Variants in ABCA12 observed in about 807,000 individuals in gnomAD.
ABCA12 encodes ATP binding cassette subfamily A member 12.
Under a neutral mutation model 293.5 loss-of-function variants are expected in ABCA12, and 156 were observed. The observed-to-expected ratio is 0.53, with a 90% CI of 0.47 to 0.61. The LOEUF is 0.61. ABCA12 is among the 20% of genes least tolerant of loss of function. The pLI is 0.00. For synonymous variants in ABCA12, 1,063 were observed against 1,108.0 expected (o/e 0.96, Z 0.81); for missense variants, 2,797 against 3,090.2 (o/e 0.91, Z 2.25).
At chr2:215,138,040 CT>C in intron 1 of ABCA12, 99 bp downstream of exon 1, 8 of 1,236,984 alleles carry the variant, frequency 6.5e-6, no homozygotes, top group Non-Finnish European at 9.6e-6. Flanking sequence ...TGGAAAATGC[CT>C]TTAAACTCTT....
chr2:215,117,333 T>A lies in ABCA12; in HGVS notation c.70-5643A>T, dbSNP rs576793682. Among the ~76,000 whole-genome samples the A allele has an allele frequency of 9.2e-5, 14 of 152,318 alleles. No individual in the cohort carries two copies. In the South Asian group the frequency reaches 2.7e-3, roughly 29 times the overall value. On this transcript the variant is annotated intron_variant, in intron 1 of 52. Coordinates refer to ENST00000272895, the MANE Select transcript of ABCA12 (RefSeq NM_173076.3). ...GTGTTGAGGTTTGGAGAATTAATGATAATGCCAGGGCACATTTCAGTGACC... is the reference window on the plus strand; with the variant it reads ...GTGTTGAGGTTTGGAGAATTAATGAAAATGCCAGGGCACATTTCAGTGACC...
At chr2:214,963,022 G>A (rs1327067249) in intron 39 of ABCA12, 1 of 151,944 alleles carries the variant, frequency 6.6e-6, no homozygotes, top group Non-Finnish European at 1.5e-5. Context: ...AGAGAACCAA[G>A]AGCAAATAAA....
At chr2:215,088,547 G>A (rs1028176491) in intron 2 of ABCA12, among the ~76,000 whole-genome samples, 7 of 152,180 alleles carry the variant, frequency 4.6e-5, no homozygotes, top group Non-Finnish European at 2.9e-5. Flanking sequence ...TTGCAATTGG[G>A]TTAGTCTAGT....
chr2:215,014,132 G>C (rs1234261562), intron 15 of ABCA12, among the ~76,000 whole-genome samples: 2 of 151,806 alleles, frequency 1.3e-5, no homozygotes, highest in African/African-American at 2.4e-5. Context: ...AGTGAGCCGA[G>C]ATGGCACAAC....
At chr2:215,113,701 GAAA>G (rs1271818438) in intron 1 of ABCA12, among the ~76,000 whole-genome samples, 1 of 151,836 alleles carries the variant, frequency 6.6e-6, no homozygotes, top group Admixed American at 6.6e-5. Context: ...TTGAATGGGA[GAAA>G]AAAAGATTAT....
chr2:215,064,386 T>C (rs1274978112), intron 2 of ABCA12, among the ~76,000 whole-genome samples, 167 bp from the exon 3 acceptor site: 1 of 151,890 alleles, frequency 6.6e-6, no homozygotes, highest in African/African-American at 2.4e-5. Flanking sequence ...GTAGGAGCAG[T>C]CTTGGAGGGT....
At position 215,045,953 on chromosome 2, in the gene ABCA12, G is replaced by C; in HGVS notation, c.756C>G (p.Phe252Leu). The change falls in exon 7 of 53, where the codon TTC (phenylalanine) becomes TTG (leucine). Residue 252 changes from phenylalanine to leucine, a missense_variant. By Grantham distance (22) the Phe-to-Leu change is conservative. Transcript: ENST00000272895. ...CTTTCTGCTCTTGCACTTGTGAGAAGAAAGACAGCATTCTGACTATTTCCT... is the reference window on the plus strand; with the variant it reads ...CTTTCTGCTCTTGCACTTGTGAGAACAAAGACAGCATTCTGACTATTTCCT... ...VFQEIVRMLS[F>L]FSQVQEQKAV... 1 of 1,613,688 alleles carries C rather than the reference G, an allele frequency of 6.2e-7. No individual in the cohort carries two copies. The highest frequency in any genetic ancestry group is 8.5e-7 in the Non-Finnish European group (1 of 1,179,794).
chr2:214,951,795 CTCT>C (rs1056443454), intron 44 of ABCA12, among the ~76,000 whole-genome samples: 4 of 152,052 alleles, frequency 2.6e-5, no homozygotes, highest in African/African-American at 9.7e-5. Context: ...TAAAAAGCCT[CTCT>C]TCTTTTTAAT....
Position 214,992,158 on chromosome 2 carries a change from GA to G in ABCA12, c.3295-1128del, listed in dbSNP as rs767813372. ...CTAATTTTAACAATTCATGATTAAT[GA>G]GGGCCGATCACGGTGGCTCACGCCT... On this transcript the variant is annotated intron_variant, in intron 23 of 52. Coordinates refer to ENST00000272895, the MANE Select transcript of ABCA12 (RefSeq NM_173076.3). Among the ~76,000 whole-genome samples, 78 of 152,128 alleles carry G rather than the reference GA, an allele frequency of 5.1e-4. 2 individuals are homozygous for G. Among genetic ancestry groups the G allele is most frequent in the Middle Eastern group, 3.4e-3 (1 of 294 alleles).
intron 51 of ABCA12, among the ~76,000 whole-genome samples, chr2:214,934,790 T>C (rs1263262691): frequency 6.6e-6 from 1 of 152,182 alleles, no homozygotes; most frequent in East Asian, 1.9e-4. Flanking sequence ...GGAGTATCTT[T>C]AACAATTTGC....
intron 2 of ABCA12, among the ~76,000 whole-genome samples, chr2:215,088,645 G>A (rs2106103538): frequency 6.6e-6 from 1 of 152,284 alleles, no homozygotes; most frequent in African/African-American, 2.4e-5. Context: ...TGGAAACAAA[G>A]CTGTCAGAGG....
In ABCA12 at chr2:214,987,940, A is replaced by G. The variant is rs541489420; in HGVS notation, c.3830-147T>C. The G allele has an allele frequency of 6.7e-6, 7 of 1,043,152 alleles. No individual in the cohort carries two copies. The South Asian group carries it at 9.4e-5, about 14-fold the overall frequency. 64.6% of individuals were successfully genotyped at this position (1,043,152 alleles called of 1,614,324 possible). The stretch of plus-strand genomic sequence containing the variant: ...AAACTAAAAGGTGGTCTCAGTTTCC[A>G]TAGTAAAGCAAAAAACGATGCTTTT... On this transcript the variant is annotated intron_variant, in intron 26 of 52. Transcript: ENST00000272895.
At position 214,958,406 on chromosome 2, in the gene ABCA12, G is replaced by C. The variant is rs1303492166; in HGVS notation, c.5988C>G (p.Gly1996=). The change falls in exon 41 of 53, where the codon GGC becomes GGG. Residue 1996 remains glycine, a synonymous_variant. Transcript: ENST00000272895. ...CAAAGCTGGCGGTGGTGACAGAGTA[G>C]CCCATCAAGATAGACAGTGCCACTA... The part of the protein sequence containing the change: ...DILVALSILM[G]YSVTTASFVT... The C allele has an allele frequency of 1.2e-6, 2 of 1,613,890 alleles. No individual in the cohort carries two copies. Among genetic ancestry groups the C allele is most frequent in the Admixed American group, 3.3e-5 (2 of 59,984 alleles).
rs769950193 is a variant in ABCA12 at position 214,978,445 on chromosome 2, C to T, written c.4999G>A (p.Glu1667Lys). ...CTCATAGCACTATTTTTTTGTGACT[C>T]TTTGGTCAAGTTCAGAAAGACCTAG... is the stretch of plus-strand genomic sequence containing the variant. ...VEEVFLNLTK[E>K]SQKNSAMSLE... Residue 1667 changes from glutamate (E) to lysine (K), a missense_variant, in exon 33 of 53, where the codon GAG becomes AAG. Physicochemically the swap from Glu to Lys is moderately conservative, Grantham distance 56. Around this residue, in one of 3 missense-constraint regions of ABCA12, gnomAD observed 2,130 missense variants for 2,427.0 expected, o/e 0.88. Transcript: ENST00000272895. 7 of 1,613,512 alleles carry T rather than the reference C, an allele frequency of 4.3e-6. No homozygotes were observed. Among genetic ancestry groups the T allele is most frequent in the Non-Finnish European group, 5.9e-6 (7 of 1,179,700 alleles).
At chr2:215,064,799 A>G (rs1701610378) in intron 2 of ABCA12, among the ~76,000 whole-genome samples, 1 of 151,644 alleles carries the variant, frequency 6.6e-6, no homozygotes, top group African/African-American at 2.4e-5. Context: ...TTTCCTGGGT[A>G]GTGTATTTCA....
intron 23 of ABCA12, among the ~76,000 whole-genome samples, chr2:214,991,851 C>T (rs2049359): frequency 1 from 151,753 of 152,172 alleles, 75,669 homozygotes; most frequent in East Asian, 1. Flanking sequence ...GATTTAAAGT[C>T]CCCTGGGAAC....
intron 31 of ABCA12, 44 bp downstream of exon 31, chr2:214,980,439 T>C (rs1489579404): frequency 2.5e-6 from 4 of 1,610,928 alleles, no homozygotes; most frequent in East Asian, 4.5e-5. Context: ...ATATAAAACT[T>C]AATTTATGGT....
At chr2:215,015,427 T>C (rs532347352) in intron 15 of ABCA12, 63 bp downstream of exon 15, 15 of 1,437,454 alleles carry the variant, frequency 1.0e-5, no homozygotes, top group South Asian at 8.4e-5. Flanking sequence ...AGAACATAAA[T>C]GTATAATTAA....
At chr2:215,091,664 C>A (rs1702150204) in intron 2 of ABCA12, among the ~76,000 whole-genome samples, 2 of 152,214 alleles carry the variant, frequency 1.3e-5, no homozygotes, top group South Asian at 4.1e-4. Context: ...AACCCCACAA[C>A]AGGACTTACT....
Sources: allele counts gnomAD v4.1 joint callset (sites outside exome capture counted in the v4.1 genomes callset), GRCh38; gene constraint gnomAD v4.1.1; regional missense constraint gnomAD v4.1.1; transcripts MANE v1.5; gene names NCBI Gene and HGNC (gene_info 2026-07-23, HGNC 2026-07-21).